The following SEPTIN6 variants were observed in gnomAD, a reference collection of about 807,000 sequenced individuals.
SEPTIN6 encodes septin-6.
Under a neutral mutation model 33.6 loss-of-function variants are expected in SEPTIN6, and 8 were observed. The ratio of observed to expected loss-of-function variants is 0.24; its 90% CI spans 0.14 to 0.43. The LOEUF (loss-of-function observed/expected upper bound fraction) is 0.43. Among genes scored for constraint, SEPTIN6 ranks in the 20% least tolerant of loss-of-function variants. The probability of loss-of-function intolerance (pLI) is 1.00; values close to 1 mark genes in which losing one functional copy is unlikely to be tolerated. For synonymous variants in SEPTIN6, 131 were observed against 140.0 expected (o/e 0.94, Z 0.45); for missense variants, 250 against 340.8 (o/e 0.73, Z 2.10).
chrX:119,686,170 C>A (rs1440781056), intron 1 of SEPTIN6, among the ~76,000 whole-genome samples: 1 of 112,212 alleles, frequency 8.9e-6, no homozygotes, highest in East Asian at 2.8e-4. Context: ...TGGGTGAATG[C>A]CCAACTGCCC....
intron 8 of SEPTIN6, among the ~76,000 whole-genome samples, chrX:119,629,850 G>A (rs757889929): frequency 2.7e-5 from 3 of 111,768 alleles, no homozygotes; most frequent in Admixed American, 1.9e-4. Flanking sequence ...AGTGCTGGCC[G>A]GGCTCAGGCC....
chrX:119,629,203 G>T, intron 9 of SEPTIN6, 115 bp downstream of exon 9: 2 of 700,510 alleles, frequency 2.9e-6, no homozygotes, highest in South Asian at 2.6e-5. Flanking sequence ...CAGTCTGACA[G>T]CCCACAGCTC....
intron 2 of SEPTIN6, among the ~76,000 whole-genome samples, chrX:119,667,273 C>T (rs1308739276): frequency 9.2e-6 from 1 of 108,722 alleles, no homozygotes; most frequent in Non-Finnish European, 1.9e-5. Context: ...AGTGCCTAAC[C>T]CAAGGTTCAC....
intron 3 of SEPTIN6, among the ~76,000 whole-genome samples, chrX:119,661,585 G>A (rs1407264669): frequency 4.5e-5 from 5 of 112,071 alleles, no homozygotes; most frequent in Non-Finnish European, 9.4e-5. Flanking sequence ...AAGACCCTCT[G>A]CTTAAAATGA....
chrX:119,692,414 ACACT>A (rs1347113509), intron 1 of SEPTIN6, among the ~76,000 whole-genome samples: 4 of 110,655 alleles, frequency 3.6e-5, no homozygotes, highest in African/African-American at 1.3e-4. Context: ...AGAGGTGAGC[ACACT>A]CAGAGAAACA....
chrX:119,682,258 C>T (rs1169458055), intron 1 of SEPTIN6, among the ~76,000 whole-genome samples: 1 of 111,134 alleles, frequency 9.0e-6, no homozygotes. Flanking sequence ...GGTATGCTTC[C>T]CTATTGTTTG....
chrX:119,628,504 CTT>C (rs766806075), intron 9 of SEPTIN6, among the ~76,000 whole-genome samples: 5 of 78,355 alleles, frequency 6.4e-5, no homozygotes, highest in African/African-American at 1.6e-4. Flanking sequence ...GTCTTGAACT[CTT>C]TTTTTTTTTT....
intron 2 of SEPTIN6, among the ~76,000 whole-genome samples, chrX:119,674,020 A>C (rs944595310): frequency 1.8e-5 from 2 of 110,784 alleles, no homozygotes; most frequent in East Asian, 5.6e-4. Flanking sequence ...TGAGTGTTTC[A>C]GCCAGTACAA....
chrX:119,649,246 C>T (rs1159564618), intron 5 of SEPTIN6, among the ~76,000 whole-genome samples: 2 of 105,561 alleles, frequency 1.9e-5, no homozygotes, highest in African/African-American at 7.0e-5. Flanking sequence ...GCGCACACCA[C>T]CACGCCTGGC....
chrX:119,658,330 A>G (rs768342127), intron 3 of SEPTIN6, among the ~76,000 whole-genome samples: 1 of 111,718 alleles, frequency 9.0e-6, no homozygotes, highest in Non-Finnish European at 1.9e-5. Context: ...ACTTAACAAC[A>G]TATCCTGAGA....
chrX:119,642,064 C>T (rs1360670838), intron 5 of SEPTIN6, among the ~76,000 whole-genome samples: 2 of 108,883 alleles, frequency 1.8e-5, no homozygotes, highest in East Asian at 2.9e-4. Flanking sequence ...GGGAGAAAGC[C>T]ATCTCAACAA....
chrX:119,638,543 G>T (rs2054104572), intron 6 of SEPTIN6, among the ~76,000 whole-genome samples: 1 of 111,615 alleles, frequency 9.0e-6, no homozygotes, highest in Non-Finnish European at 1.9e-5. Context: ...GGTAGTGAGG[G>T]CAGAGAAGGG....
intron 2 of SEPTIN6, among the ~76,000 whole-genome samples, chrX:119,668,357 A>G (rs1225702974): frequency 8.9e-6 from 1 of 111,841 alleles, no homozygotes; most frequent in Non-Finnish European, 1.9e-5. Context: ...AGAGAAAGAA[A>G]AAGAAAAGAC....
At chrX:119,679,829 C>T (rs1467338725) in intron 1 of SEPTIN6, among the ~76,000 whole-genome samples, 1 of 111,407 alleles carries the variant, frequency 9.0e-6, no homozygotes, top group Admixed American at 9.6e-5. Flanking sequence ...CACTGCACTC[C>T]AGCCAGCCTG....
chrX:119,675,142 C>T (rs901886717), intron 2 of SEPTIN6, among the ~76,000 whole-genome samples: 1 of 111,611 alleles, frequency 9.0e-6, no homozygotes, highest in Non-Finnish European at 1.9e-5. Context: ...AAACCAAGCA[C>T]AGCAAAACTA....
At chrX:119,674,929 G>A (rs777672837) in intron 2 of SEPTIN6, among the ~76,000 whole-genome samples, 3 of 110,411 alleles carry the variant, frequency 2.7e-5, no homozygotes, top group South Asian at 3.8e-4. Flanking sequence ...GGTAGAGGCC[G>A]GGCACAGTGG....
chrX:119,664,020 G>A (rs1295650582), intron 2 of SEPTIN6, among the ~76,000 whole-genome samples: 2 of 110,838 alleles, frequency 1.8e-5, no homozygotes, highest in Non-Finnish European at 3.8e-5. Context: ...GTCTTGCTCT[G>A]TCACCCAGGT....
intron 5 of SEPTIN6, 150 bp downstream of exon 5, chrX:119,649,787 C>A: frequency 1.8e-6 from 1 of 552,370 alleles, no homozygotes; most frequent in South Asian, 3.2e-5. Context: ...GGGAGGATCC[C>A]TTGAGCCCAG....
At position 119,675,655 on chromosome X, in the gene SEPTIN6, C is replaced by T. The variant is rs756379839; in HGVS notation, c.44G>A (p.Arg15Gln). Residue 15 changes from arginine to glutamine, a missense_variant, in exon 2 of 11, where the codon CGA (arginine) becomes CAA (glutamine). Physicochemically the swap from Arg to Gln is conservative, Grantham distance 43. Around this residue, in one of 2 missense-constraint regions of SEPTIN6, gnomAD observed 111 missense variants for 113.8 expected, o/e 0.98. Coordinates refer to ENST00000394610, the MANE Select transcript of SEPTIN6 (RefSeq NM_145799.4). ...CACATGTCCAGCCAGGGGGACAGTTCGGCAACCTTCACCCTAATTTGGAAG... is the reference window on the plus strand; with the variant it reads ...CACATGTCCAGCCAGGGGGACAGTTTGGCAACCTTCACCCTAATTTGGAAG... ...DIARQVGEGC[R>Q]TVPLAGHVGF... 11 of 1,112,922 alleles carry T rather than the reference C, an allele frequency of 9.9e-6. No homozygotes were observed. The highest frequency in any genetic ancestry group is 2.8e-5 in the Admixed American group (1 of 35,980). 91.7% of individuals were successfully genotyped at this position (1,112,922 alleles called of 1,213,427 possible).
Sources: gnomAD v4.1 joint callset for allele counts (sites outside exome capture counted in the v4.1 genomes callset) on GRCh38, gnomAD v4.1.1 for gene constraint, gnomAD v4.1.1 regional missense constraint, MANE v1.5 for transcripts, NCBI Gene and HGNC (gene_info 2026-07-23, HGNC 2026-07-21) for gene names.